Variants in RBFOX1 observed in about 807,000 individuals in gnomAD.
The protein encoded by RBFOX1 is RNA binding protein fox-1 homolog 1.
A neutral mutation model predicts 57.7 loss-of-function variants in RBFOX1; 8 were observed. That is an observed-to-expected ratio of 0.14 (90% CI 0.08 to 0.25). The LOEUF (loss-of-function observed/expected upper bound fraction) is 0.25, where lower values mean the gene tolerates loss of function less well. Among genes scored for constraint, RBFOX1 ranks in the 10% least tolerant of loss-of-function variants. The probability of loss-of-function intolerance (pLI) is 1.00; values close to 1 mark genes in which losing one functional copy is unlikely to be tolerated. For missense variants in RBFOX1, 611 were observed against 548.5 expected (o/e 1.11, Z -1.14); for synonymous variants, 326 against 222.4 (o/e 1.47, Z -4.15).
At chr16:6,941,775 G>C (rs1001162203) in intron 3 of RBFOX1, among the ~76,000 whole-genome samples, 1 of 152,154 alleles carries the variant, frequency 6.6e-6, no homozygotes, top group Admixed American at 6.6e-5. Context: ...TAGAAGGCAG[G>C]TGAACTCATA....
chr16:7,269,736 T>C (rs1232597863), intron 4 of RBFOX1, among the ~76,000 whole-genome samples: 1 of 152,218 alleles, frequency 6.6e-6, no homozygotes, highest in Admixed American at 6.5e-5. Context: ...CTCAAGTCTT[T>C]GTTTACATTT....
intron 4 of RBFOX1, among the ~76,000 whole-genome samples, chr16:7,179,624 C>G (rs2082308356): frequency 6.6e-6 from 1 of 151,998 alleles, no homozygotes; most frequent in African/African-American, 2.4e-5. Flanking sequence ...AATTAGGAAG[C>G]TGACCACATA....
intron 4 of RBFOX1, among the ~76,000 whole-genome samples, chr16:7,331,398 T>A (rs1201096182): frequency 6.6e-6 from 1 of 152,158 alleles, no homozygotes; most frequent in Non-Finnish European, 1.5e-5. Context: ...TTTGAGTGGA[T>A]TCACTTCATC....
At chr16:6,469,514 G>A (rs2095126784) in intron 2 of RBFOX1, among the ~76,000 whole-genome samples, 1 of 152,166 alleles carries the variant, frequency 6.6e-6, no homozygotes, top group Non-Finnish European at 1.5e-5. Flanking sequence ...AGTTAGCTTT[G>A]AAAACAAGAC....
At chr16:6,883,086 A>G (rs773864486) in intron 3 of RBFOX1, among the ~76,000 whole-genome samples, 1 of 152,148 alleles carries the variant, frequency 6.6e-6, no homozygotes, top group African/African-American at 2.4e-5. Flanking sequence ...ACCATTATTA[A>G]TGATGTAATT....
At chr16:6,260,722 A>T (rs2097696841) in intron 1 of RBFOX1, among the ~76,000 whole-genome samples, 1 of 152,084 alleles carries the variant, frequency 6.6e-6, no homozygotes, top group East Asian at 1.9e-4. Context: ...TACTACTGAT[A>T]ATACAAAAAT....
In RBFOX1 at chr16:7,519,733, G is replaced by A. The variant is rs555763794; in HGVS notation, c.270+1344G>A. On this transcript the variant is annotated intron_variant, in intron 5 of 15. Coordinates refer to ENST00000550418, the MANE Select transcript of RBFOX1 (RefSeq NM_018723.4). ...GAGTGTAAGGCAATTCTGCCTCTTCGTCCTGTCCCAAGACCTCAGGAAAGC... is the reference window on the plus strand; with the variant it reads ...GAGTGTAAGGCAATTCTGCCTCTTCATCCTGTCCCAAGACCTCAGGAAAGC... The A allele has an allele frequency of 1.9e-5, 19 of 984,280 alleles. No individual in the cohort carries two copies. In the South Asian group the frequency reaches 3.8e-4, roughly 19 times the overall value. 61.0% of individuals were successfully genotyped at this position (984,280 alleles called of 1,614,324 possible). A position where few individuals can be genotyped will look rare whatever the true frequency, so the allele number is the denominator to read the frequency against.
intron 2 of RBFOX1, among the ~76,000 whole-genome samples, chr16:6,443,728 C>T (rs2094432130): frequency 1.3e-5 from 2 of 152,112 alleles, no homozygotes; most frequent in Non-Finnish European, 2.9e-5. Flanking sequence ...TTAATTTGTT[C>T]ATCCAGCCAT....
chr16:5,540,203 A>G (rs1455403525), intron 2 of RBFOX1, among the ~76,000 whole-genome samples: 1 of 152,186 alleles, frequency 6.6e-6, no homozygotes, highest in Non-Finnish European at 1.5e-5. Context: ...CTGAAACATC[A>G]TTTTGTTTAT....
At chr16:6,232,488 A>G (rs62015083) in intron 1 of RBFOX1, among the ~76,000 whole-genome samples, 29,553 of 152,164 alleles carry the variant, frequency 0.19, 3,691 homozygotes, top group East Asian at 0.44. Flanking sequence ...ACTGGATTTC[A>G]TCTTCATGAA....
chr16:7,255,661 T>C (rs746661920), intron 4 of RBFOX1, among the ~76,000 whole-genome samples: 2 of 152,216 alleles, frequency 1.3e-5, no homozygotes, highest in Admixed American at 6.6e-5. Flanking sequence ...AAGTCACATA[T>C]GCAAAGTAAT....
At chr16:5,963,909 G>A (rs868163960) in intron 4 of RBFOX1, among the ~76,000 whole-genome samples, 7 of 152,184 alleles carry the variant, frequency 4.6e-5, no homozygotes, top group South Asian at 2.1e-4. Context: ...GTGGTTTTAC[G>A]TGAGAGCAGA....
At chr16:6,946,313 C>G (rs56368623) in intron 3 of RBFOX1, among the ~76,000 whole-genome samples, 32,040 of 152,174 alleles carry the variant, frequency 0.21, 3,495 homozygotes, top group Non-Finnish European at 0.24. Context: ...TCCAATAAAA[C>G]TTTATTTACA....
chr16:7,034,304 A>C (rs556427962), intron 3 of RBFOX1, among the ~76,000 whole-genome samples: 4 of 152,308 alleles, frequency 2.6e-5, no homozygotes, highest in Non-Finnish European at 4.4e-5. Context: ...CCCTGTAAGA[A>C]GTCACTGTAG....
At chr16:5,566,125 C>A (rs1236094214) in intron 2 of RBFOX1, among the ~76,000 whole-genome samples, 1 of 152,058 alleles carries the variant, frequency 6.6e-6, no homozygotes, top group African/African-American at 2.4e-5. Context: ...TCCATTAAAC[C>A]TTTTTTTCTT....
intron 4 of RBFOX1, among the ~76,000 whole-genome samples, chr16:7,170,278 C>T (rs979880772): frequency 5.9e-5 from 9 of 152,016 alleles, no homozygotes; most frequent in African/African-American, 1.7e-4. Context: ...GTTAATTGAG[C>T]ACTCTGTTTT....
chr16:7,074,727 GA>G (rs762307956), intron 4 of RBFOX1, among the ~76,000 whole-genome samples: 1 of 152,222 alleles, frequency 6.6e-6, no homozygotes, highest in South Asian at 2.1e-4. Flanking sequence ...AGAGCATGGG[GA>G]AAAACAAGCA....
chr16:5,416,182 A>C (rs7199032), intron 1 of RBFOX1, among the ~76,000 whole-genome samples: 74,455 of 151,930 alleles, frequency 0.49, 20,033 homozygotes, highest in East Asian at 0.65. Flanking sequence ...CCTCACAGCG[A>C]CTCCTGGACA....
intron 4 of RBFOX1, among the ~76,000 whole-genome samples, chr16:7,293,982 C>G (rs1026259962): frequency 2.6e-5 from 4 of 152,134 alleles, no homozygotes; most frequent in Non-Finnish European, 4.4e-5. Context: ...TGCTTAATGA[C>G]AACTCATCTT....
Sources: allele counts gnomAD v4.1 joint callset (sites outside exome capture counted in the v4.1 genomes callset), GRCh38; gene constraint gnomAD v4.1.1; transcripts MANE v1.5; gene names NCBI Gene and HGNC (gene_info 2026-07-23, HGNC 2026-07-21).